DPEP2: variants seen among roughly 807,000 people sequenced by gnomAD.
DPEP2 encodes dipeptidase 2.
A neutral mutation model predicts 51.8 loss-of-function variants in DPEP2; 45 were observed. The ratio of observed to expected loss-of-function variants is 0.87; its 90% confidence interval spans 0.68 to 1.11. DPEP2 has a LOEUF of 1.11. DPEP2 is among the 50% of genes most tolerant of loss of function. The pLI is 0.00. For missense variants in DPEP2, 604 were observed against 631.9 expected, an observed-to-expected ratio of 0.96 and a Z score of 0.47; for synonymous variants, 255 against 262.7, an observed-to-expected ratio of 0.97 and a Z score of 0.28.
Position 67,987,628 on chromosome 16 carries a change from CAGTG to C in DPEP2, c.1335_1338del (p.Thr446ArgfsTer72). On this transcript the variant is annotated frameshift_variant, in exon 11 of 11. Coordinates refer to ENST00000393847, the MANE Select transcript of DPEP2 (RefSeq NM_022355.4). LOFTEE classifies it high-confidence loss of function. ...TTGGCTGTCCAGTGTATGGGAATCT[CAGTG>C]AGTTCCTGGCCTGAAGTCAGACTCT... 1.2e-6 allele frequency: 2 copies of C among 1,614,206 alleles called. No homozygotes were observed. The highest frequency in any genetic ancestry group is 1.7e-6 in the Non-Finnish European group (2 of 1,180,038).
rs1455461564 is a variant in DPEP2, at chr16:67,991,555, T to C, written c.662+283A>G. On this transcript the variant is annotated intron_variant, in intron 5 of 10. Coordinates refer to ENST00000393847, the MANE Select transcript of DPEP2 (RefSeq NM_022355.4). The surrounding 1 kb of genome is among the most constrained non-coding windows in gnomAD (Gnocchi z 5.1). ...ACCACACCTGGCTAATTTTTGTGTT[T>C]TTCTTCAAGATAGGGTTTCACCATC... is the stretch of plus-strand genomic sequence containing the variant. 3.9e-6 allele frequency: 2 copies of C among 513,912 alleles called. No homozygotes were observed. The highest frequency in any genetic ancestry group is 3.8e-5 in the African/African-American group (2 of 52,560). 31.8% of individuals were successfully genotyped at this position (513,912 alleles called of 1,614,324 possible).
chr16:67,993,393 C>T (rs1015999925), intron 1 of DPEP2, 136 bp from the exon 2 acceptor site: 2 of 1,278,926 alleles, frequency 1.6e-6, no homozygotes, highest in Admixed American at 3.8e-5. Context: ...AGCGGCGGCA[C>T]CGCCCAGTAC....
chr16:67,999,915 C>T (rs190317016), upstream of DPEP2, among the ~76,000 whole-genome samples: 6 of 152,242 alleles, frequency 3.9e-5, no homozygotes, highest in Admixed American at 1.3e-4. Flanking sequence ...TCTAACAAAA[C>T]GAAAACAAGA....
At chr16:67,995,744 A>C (rs945318228) in intron 1 of DPEP2, among the ~76,000 whole-genome samples, 6 of 152,174 alleles carry the variant, frequency 3.9e-5, no homozygotes, top group Non-Finnish European at 8.8e-5. Flanking sequence ...TGGGTGGATC[A>C]TCTGAGGTCA....
chr16:67,992,490 C>T lies in DPEP2; in HGVS notation c.390+20G>A, dbSNP rs1475776198. On this transcript the variant is annotated intron_variant, in intron 3 of 10. Coordinates refer to ENST00000393847, the MANE Select transcript of DPEP2 (RefSeq NM_022355.4). The stretch of plus-strand genomic sequence containing the variant: ...TCCCCCAGCAGCCATGCTGTGGCAC[C>T]TCGTGTATCCCTGTGGTACCTGGGC... 6.3e-7 allele frequency: 1 copy of T among 1,598,932 alleles called. No individual in the cohort carries two copies. Among genetic ancestry groups the T allele is most frequent in the East Asian group, 2.2e-5 (1 of 44,576 alleles).
chr16:67,999,072 A>G (rs971454295), intron 1 of DPEP2, among the ~76,000 whole-genome samples: 11 of 152,168 alleles, frequency 7.2e-5, no homozygotes, highest in African/African-American at 2.2e-4. Context: ...CCCCTTCCAC[A>G]CTGTGGAAGC....
In DPEP2 at chr16:67,991,102, C is replaced by G; in HGVS notation, c.732+13G>C. The G allele has an allele frequency of 6.2e-7, 1 of 1,614,204 alleles. No individual in the cohort carries two copies. The highest frequency in any genetic ancestry group is 8.5e-7 in the Non-Finnish European group (1 of 1,180,040). On this transcript the variant is annotated intron_variant, in intron 6 of 10. Coordinates refer to ENST00000393847, the MANE Select transcript of DPEP2 (RefSeq NM_022355.4). This position sits in a 1 kb window ranked among gnomAD's most constrained non-coding sequence, Gnocchi z 5.1. Reference sequence around the variant, plus strand: ...ACATTTGTTTGGGGTGGAGTGTGAACCAGGGTCCTCACCTCACCAAAGTCA... The same window carrying G: ...ACATTTGTTTGGGGTGGAGTGTGAAGCAGGGTCCTCACCTCACCAAAGTCA...
Position 67,991,158 on chromosome 16 carries a change from T to A in DPEP2, c.689A>T (p.His230Leu), listed in dbSNP as rs780276903. 1 of 1,613,430 alleles carries A rather than the reference T, an allele frequency of 6.2e-7. No individual in the cohort carries two copies. The highest frequency in any genetic ancestry group is 1.7e-5 in the Admixed American group (1 of 59,972). ...CCCGCTGATGTTGTTGTAGAAGGAGTGGACGCCCTTAGCGGAGCTCTCTGC... is the reference window on the plus strand; with the variant it reads ...CCCGCTGATGTTGTTGTAGAAGGAGAGGACGCCCTTAGCGGAGCTCTCTGC... Reference protein sequence around the residue: ...PWAESSAKGVHSFYNNISGLT... With the variant: ...PWAESSAKGVLSFYNNISGLT... The change falls in exon 6 of 11, where the codon CAC (histidine) becomes CTC (leucine). Residue 230 changes from histidine (H) to leucine (L), a missense_variant. His to Leu is a moderately conservative substitution (Grantham distance 99, BLOSUM62 -3). Transcript: ENST00000393847. This position sits in a 1 kb window ranked among gnomAD's most constrained non-coding sequence, Gnocchi z 5.1.
At position 67,994,496 on chromosome 16, in the gene DPEP2, C is replaced by T. The variant is rs1258075435; in HGVS notation, c.-45-1239G>A. Reference sequence around the variant, plus strand: ...TGCCCGCTCACAGAAGCCCCACGACCTGAGATCTTCCGGGACTGTGGCCAA... The same window carrying T: ...TGCCCGCTCACAGAAGCCCCACGACTTGAGATCTTCCGGGACTGTGGCCAA... On this transcript the variant is annotated intron_variant, in intron 1 of 10. Transcript: ENST00000393847. The T allele has an allele frequency of 5.1e-6, 5 of 985,392 alleles. No homozygotes were observed. The African/African-American group carries it at 8.7e-5, about 17-fold the overall frequency. The allele number at this position is 985,392 out of a possible 1,614,324, so 61.0% of individuals were successfully genotyped here.
rs2032410877 is a variant in DPEP2, at chr16:67,993,200, C to T, written c.13G>A (p.Gly5Ser). Reference sequence around the variant, plus strand: ...CCAAACGTGCCGGGACCCTCGAGGCCGGAGGGCTGCATGTTGTGCAGGGCC... The same window carrying T: ...CCAAACGTGCCGGGACCCTCGAGGCTGGAGGGCTGCATGTTGTGCAGGGCC... MQPSGLEGPGTFGRW... is the reference protein window; with the variant it reads MQPSSLEGPGTFGRW... Residue 5 changes from glycine to serine, a missense_variant, in exon 2 of 11, where the codon GGC (glycine) becomes AGC (serine). Transcript: ENST00000393847. The T allele has an allele frequency of 2.7e-6, 4 of 1,469,408 alleles. No homozygotes were observed. The highest frequency in any genetic ancestry group is 2.8e-5 in the African/African-American group (2 of 70,514). 91.0% of individuals were successfully genotyped at this position (1,469,408 alleles called of 1,614,324 possible).
chr16:67,993,955 A>T (rs1296562152), intron 1 of DPEP2: 2 of 984,272 alleles, frequency 2.0e-6, no homozygotes, highest in Non-Finnish European at 2.4e-6. Context: ...CCCCGACCGC[A>T]CATTCTCCAA....
rs1213241643 is a variant in DPEP2, at chr16:67,992,568, T to C, written c.332A>G (p.Asn111Ser). The stretch of plus-strand genomic sequence containing the variant: ...CAGGCTGGTCTGGCCGTAGCTGAAA[T>C]TGCGCAGGTTAACATCCTGTAGCCC... ...QKGLQDVNLR[N>S]FSYGQTSLDR... Residue 111 changes from asparagine (N) to serine (S), a missense_variant, in exon 3 of 11, where the codon AAT becomes AGT. Coordinates refer to ENST00000393847, the MANE Select transcript of DPEP2 (RefSeq NM_022355.4). The C allele has an allele frequency of 1.9e-6, 3 of 1,614,100 alleles. No homozygotes were observed. Among genetic ancestry groups the C allele is most frequent in the Non-Finnish European group, 2.5e-6 (3 of 1,179,964 alleles).
At position 67,992,097 on chromosome 16, in the gene DPEP2, A is replaced by G. The variant is rs2032238798; in HGVS notation, c.487T>C (p.Tyr163His). The G allele has an allele frequency of 1.2e-6, 2 of 1,614,082 alleles. No homozygotes were observed. The highest frequency in any genetic ancestry group is 3.3e-5 in the Admixed American group (2 of 60,004). The change falls in exon 4 of 11, where the codon TAT becomes CAT. Residue 163 changes from tyrosine to histidine, a missense_variant. Transcript: ENST00000393847. ...IDLIRRMCAS[Y>H]SELELVTSAK... ...GAGGTCACAAGCTCCAGCTCAGAATAGGAGGCACACATGCGGCGTATGAGG... is the reference window on the plus strand; with the variant it reads ...GAGGTCACAAGCTCCAGCTCAGAATGGGAGGCACACATGCGGCGTATGAGG...
chr16:67,990,163 G>A, intron 7 of DPEP2, 32 bp from the exon 8 acceptor site: 1 of 1,609,694 alleles, frequency 6.2e-7, no homozygotes, highest in Non-Finnish European at 8.5e-7. Context: ...CACTTAGCCT[G>A]GCCCCTCAGC....
upstream of DPEP2, chr16:68,000,442 G>C: frequency 1.0e-6 from 1 of 985,358 alleles, no homozygotes; most frequent in Non-Finnish European, 1.2e-6. Context: ...TGCAGCTGGG[G>C]CTTACTCAGT....
intron 9 of DPEP2, 84 bp from the exon 10 acceptor site, chr16:67,988,071 G>T: frequency 6.4e-7 from 1 of 1,570,560 alleles, no homozygotes; most frequent in Non-Finnish European, 8.7e-7. Flanking sequence ...TGAAACCCCA[G>T]CCCTGGTCAG....
At chr16:67,998,134 C>A (rs1047791711) in intron 1 of DPEP2, among the ~76,000 whole-genome samples, 1 of 152,202 alleles carries the variant, frequency 6.6e-6, no homozygotes, top group African/African-American at 2.4e-5. Context: ...AGCTCTTCAG[C>A]CCACCGCTGC....
At chr16:67,988,907 G>GAGA (rs149160038) in intron 9 of DPEP2, among the ~76,000 whole-genome samples, 11,203 of 151,790 alleles carry the variant, frequency 0.074, 626 homozygotes, top group Middle Eastern at 0.18. Flanking sequence ...GCAAGACCCT[G>GAGA]AGAAGAAGAA....
chr16:67,995,222 T>A (rs185828558), intron 1 of DPEP2, among the ~76,000 whole-genome samples: 8,231 of 152,120 alleles, frequency 0.054, 643 homozygotes, highest in African/African-American at 0.18. Flanking sequence ...TTTTATTTAT[T>A]TTTTTAATTA....
Sources: allele counts gnomAD v4.1 joint callset (sites outside exome capture counted in the v4.1 genomes callset), GRCh38; gene constraint gnomAD v4.1.1; non-coding constraint Gnocchi (gnomAD v3.1); transcripts MANE v1.5; gene names NCBI Gene and HGNC (gene_info 2026-07-23, HGNC 2026-07-21).